Variants in TCF12 observed in about 807,000 individuals in gnomAD.
TCF12 encodes DNA-binding protein HTF4.
A neutral mutation model predicts 86.0 loss-of-function variants in TCF12; 45 were observed. The ratio of observed to expected loss-of-function variants is 0.52; its 90% CI spans 0.41 to 0.67. The LOEUF (loss-of-function observed/expected upper bound fraction) is 0.67. Among genes scored for constraint, TCF12 ranks in the 30% least tolerant of loss-of-function variants. TCF12 has a pLI of 0.00. For missense variants in TCF12, 881 were observed against 859.9 expected (o/e 1.02, Z -0.31); for synonymous variants, 330 against 299.6 (o/e 1.10, Z -1.05).
At chr15:57,014,875 T>G (rs2141197413) in intron 3 of TCF12, among the ~76,000 whole-genome samples, 1 of 147,512 alleles carries the variant, frequency 6.8e-6, no homozygotes, top group Admixed American at 6.8e-5. Flanking sequence ...ATTATTATTA[T>G]TATTATTATT....
intron 5 of TCF12, among the ~76,000 whole-genome samples, chr15:57,146,015 TTGAG>T (rs1397509554): frequency 1.3e-5 from 2 of 152,184 alleles, no homozygotes; most frequent in African/African-American, 4.8e-5. Context: ...ATATTACACT[TTGAG>T]TGGAGTTAAA....
intron 8 of TCF12, among the ~76,000 whole-genome samples, chr15:57,204,599 A>T (rs939178735): frequency 6.6e-6 from 1 of 152,232 alleles, no homozygotes; most frequent in African/African-American, 2.4e-5. Context: ...TTGAAATTGT[A>T]GGGATACCTT....
rs371079507 is a variant in TCF12, at chr15:57,237,667, G to C, written c.1035+3560G>C. The stretch of plus-strand genomic sequence containing the variant: ...CCCATTTTTTTAAGTAACTGATTTT[G>C]TTCTTCTTTTTATTCTTACCTTCAA... On this transcript the variant is annotated intron_variant, in intron 12 of 20. Coordinates refer to ENST00000333725, the MANE Select transcript of TCF12 (RefSeq NM_207037.2). Among the ~76,000 whole-genome samples the C allele has an allele frequency of 2.6e-5, 4 of 152,018 alleles. No individual in the cohort carries two copies. In the East Asian group the frequency reaches 5.8e-4, roughly 22 times the overall value.
intron 3 of TCF12, among the ~76,000 whole-genome samples, chr15:57,024,216 C>CTTTTTTTTTTTTTTTTTTTTTTTTT (rs59793819): frequency 2.7e-5 from 3 of 111,294 alleles, no homozygotes; most frequent in African/African-American, 9.4e-5. Context: ...AAAAAAGTGT[C>CTTTTTTTTTTTTTTTTTTTTTTTTT]TTTTTTTTTT....
chr15:57,236,447 A>G (rs937452356), intron 12 of TCF12, among the ~76,000 whole-genome samples: 3 of 152,162 alleles, frequency 2.0e-5, no homozygotes, highest in Non-Finnish European at 4.4e-5. Context: ...GATATTTTGA[A>G]ATGGTGACTG....
rs775936474 is a variant in TCF12 at position 57,232,790 on chromosome 15, A to G, written c.904A>G (p.Thr302Ala). Reference sequence around the variant, plus strand: ...AATGTCCAGCTTTCATCGCGGCAGTACCAGCAGTTCACCTTACGTTGCTGC... The same window carrying G: ...AATGTCCAGCTTTCATCGCGGCAGTGCCAGCAGTTCACCTTACGTTGCTGC... ...PPMSSFHRGS[T>A]SSSPYVAASH... The change falls in exon 11 of 21, where the codon ACC (threonine) becomes GCC (alanine). Residue 302 changes from threonine to alanine, a missense_variant. Thr to Ala is a moderately conservative substitution (Grantham distance 58). Around this residue, in one of 3 missense-constraint regions of TCF12, gnomAD observed 766 missense variants for 718.9 expected, o/e 1.07. Transcript: ENST00000333725. 6.8e-6 allele frequency: 11 copies of G among 1,612,996 alleles called. No individual in the cohort carries two copies. The South Asian group carries it at 7.7e-5, about 11-fold the overall frequency.
chr15:57,188,984 G>C (rs150144800), intron 6 of TCF12, among the ~76,000 whole-genome samples: 1 of 152,066 alleles, frequency 6.6e-6, no homozygotes, highest in Non-Finnish European at 1.5e-5. Flanking sequence ...AGATGGGACC[G>C]CCCTATGTGG....
intron 3 of TCF12, among the ~76,000 whole-genome samples, chr15:57,000,437 G>A (rs1257749775): frequency 6.6e-6 from 1 of 151,940 alleles, no homozygotes; most frequent in African/African-American, 2.4e-5. Flanking sequence ...AAAAGAAAGT[G>A]TTTTAAACTA....
intron 8 of TCF12, among the ~76,000 whole-genome samples, chr15:57,200,177 G>A (rs902893075): frequency 2.6e-5 from 4 of 151,074 alleles, no homozygotes; most frequent in South Asian, 2.1e-4. Flanking sequence ...CACCACACCC[G>A]GCTGAAATCT....
chr15:57,128,398 T>C lies in TCF12; in HGVS notation c.325+36507T>C, dbSNP rs146795447. ...ATCCTAGGCACCACGCAAAGTGCTT[T>C]TGCTCTGTTCATTTAATCTTCATAA... On this transcript the variant is annotated intron_variant, in intron 5 of 20. Transcript: ENST00000333725. 3.2e-3 allele frequency among the ~76,000 whole-genome samples: 484 copies of C among 152,340 alleles called. 8 individuals are homozygous for C. The highest frequency in any genetic ancestry group is 0.011 in the African/African-American group (462 of 41,588).
At chr15:57,028,835 G>A (rs945936753) in intron 3 of TCF12, among the ~76,000 whole-genome samples, 1 of 151,392 alleles carries the variant, frequency 6.6e-6, no homozygotes, top group Non-Finnish European at 1.5e-5. Context: ...GTCTCACTGT[G>A]TCGCCCAGGC....
chr15:56,936,740 T>C (rs2060486962), intron 3 of TCF12, among the ~76,000 whole-genome samples: 1 of 152,218 alleles, frequency 6.6e-6, no homozygotes, highest in Non-Finnish European at 1.5e-5. Flanking sequence ...TGGGGTGTCC[T>C]TTCCCCACTT....
intron 19 of TCF12, among the ~76,000 whole-genome samples, chr15:57,280,577 C>T (rs559120229): frequency 6.6e-6 from 1 of 152,114 alleles, no homozygotes; most frequent in Non-Finnish European, 1.5e-5. Context: ...CTTTTACCTA[C>T]TTTAAAGGGG....
chr15:57,233,582 A>G (rs1376015806), intron 11 of TCF12, among the ~76,000 whole-genome samples: 2 of 152,048 alleles, frequency 1.3e-5, no homozygotes, highest in Admixed American at 6.6e-5. Context: ...GGCTCAGGTG[A>G]TACCCCAGCT....
At chr15:57,038,666 A>G (rs1377584374) in intron 3 of TCF12, among the ~76,000 whole-genome samples, 2 of 152,166 alleles carry the variant, frequency 1.3e-5, no homozygotes, top group Non-Finnish European at 2.9e-5. Flanking sequence ...AGGTGAAAAA[A>G]AAAGAAGCGA....
Position 56,961,765 on chromosome 15 carries a change from G to A in TCF12, c.148+40667G>A, listed in dbSNP as rs139221998. On this transcript the variant is annotated intron_variant, in intron 3 of 20. Coordinates refer to ENST00000333725, the MANE Select transcript of TCF12 (RefSeq NM_207037.2). ...ATGTAGTTAGAGGATTGTTTTTTATGACATTTTAGTTTGTTGTATAAATGT... is the reference window on the plus strand; with the variant it reads ...ATGTAGTTAGAGGATTGTTTTTTATAACATTTTAGTTTGTTGTATAAATGT... Among the ~76,000 whole-genome samples, 143 of 152,248 alleles carry A rather than the reference G, an allele frequency of 9.4e-4. 1 individual carries two copies. The highest frequency in any genetic ancestry group is 3.4e-3 in the African/African-American group (140 of 41,548).
chr15:56,957,266 A>G (rs1233106837), intron 3 of TCF12, among the ~76,000 whole-genome samples: 3 of 152,156 alleles, frequency 2.0e-5, no homozygotes, highest in African/African-American at 7.2e-5. Flanking sequence ...CAGTTAGTTT[A>G]TGGTTACCAA....
At chr15:57,264,158 T>A (rs1449777247) in intron 18 of TCF12, among the ~76,000 whole-genome samples, 1 of 143,254 alleles carries the variant, frequency 7.0e-6, no homozygotes, top group Non-Finnish European at 1.5e-5. Flanking sequence ...ATTATATAGC[T>A]ATACAAAAAT....
At chr15:57,114,051 G>T (rs2050679102) in intron 5 of TCF12, among the ~76,000 whole-genome samples, 1 of 152,136 alleles carries the variant, frequency 6.6e-6, no homozygotes. Flanking sequence ...AGGGGTGGAG[G>T]ACTTTAGTGA....
Sources: gnomAD v4.1 joint callset for allele counts (sites outside exome capture counted in the v4.1 genomes callset) on GRCh38, gnomAD v4.1.1 for gene constraint, gnomAD v4.1.1 regional missense constraint, MANE v1.5 for transcripts, NCBI Gene and HGNC (gene_info 2026-07-23, HGNC 2026-07-21) for gene names.